The following IGF2BP1 variants were observed in gnomAD, a reference collection of about 807,000 sequenced individuals.
IGF2BP1 encodes the protein insulin like growth factor 2 mRNA binding protein 1.
A neutral mutation model predicts 74.9 loss-of-function variants in IGF2BP1; 11 were observed. The ratio of observed to expected loss-of-function variants is 0.15; its 90% confidence interval spans 0.09 to 0.24. The LOEUF (loss-of-function observed/expected upper bound fraction) is 0.24. Among genes scored for constraint, IGF2BP1 ranks in the 10% least tolerant of loss-of-function variants. The pLI, the probability that IGF2BP1 is intolerant of heterozygous loss-of-function variation, is 1.00. For missense variants in IGF2BP1, 440 were observed against 757.4 expected (o/e 0.58, Z 4.92); for synonymous variants, 287 against 281.8 (o/e 1.02, Z -0.18).
intron 2 of IGF2BP1, among the ~76,000 whole-genome samples, chr17:48,999,981 C>T (rs998901567): frequency 5.4e-5 from 8 of 147,418 alleles, no homozygotes; most frequent in African/African-American, 1.8e-4. Context: ...TGTTCCAATA[C>T]CCTCTATCCT....
intron 6 of IGF2BP1, 118 bp downstream of exon 6, chr17:49,038,567 C>A: frequency 9.1e-7 from 1 of 1,103,494 alleles, no homozygotes; most frequent in Non-Finnish European, 1.2e-6. Flanking sequence ...GAAATGTTGC[C>A]TGGAGCATTC....
rs781517303 is a variant in IGF2BP1 at position 48,997,478 on chromosome 17, G to A, written c.-268G>A. On this transcript the variant is annotated 5_prime_UTR_variant, in exon 1 of 15. Transcript: ENST00000290341. The surrounding 1 kb of genome is among the most constrained non-coding windows in gnomAD (Gnocchi z 4.8). The stretch of plus-strand genomic sequence containing the variant: ...CACCAGCCCTCTCGGAGGGGTTTCG[G>A]ACCGAAGGGAAGAAGCTGCGCCGTG... 7.5e-6 allele frequency: 3 copies of A among 400,690 alleles called. No homozygotes were observed. Among genetic ancestry groups the A allele is most frequent in the Non-Finnish European group, 1.3e-5 (3 of 225,166 alleles). The allele number at this position is 400,690 out of a possible 1,614,324, so 24.8% of individuals were successfully genotyped here.
chr17:49,041,278 C>A, intron 7 of IGF2BP1, 100 bp from the exon 8 acceptor site: 2 of 1,346,162 alleles, frequency 1.5e-6, no homozygotes, highest in Non-Finnish European at 2.1e-6. Context: ...AGATGTTTTA[C>A]TTGGAAATGC....
At chr17:49,018,092 C>G (rs2041731333) in intron 2 of IGF2BP1, 1 of 152,226 alleles carries the variant, frequency 6.6e-6, no homozygotes, top group African/African-American at 2.4e-5. Context: ...ATTAAAAATT[C>G]AGTTGCTCAG....
intron 5 of IGF2BP1, among the ~76,000 whole-genome samples, chr17:49,034,736 C>CAA (rs1254736118): frequency 2.1e-4 from 23 of 108,808 alleles, no homozygotes; most frequent in African/African-American, 4.6e-4. Flanking sequence ...GACCCTGTCT[C>CAA]AAAAAAAACA....
intron 2 of IGF2BP1, among the ~76,000 whole-genome samples, chr17:49,007,501 C>G (rs1201943022): frequency 6.6e-6 from 1 of 152,218 alleles, no homozygotes; most frequent in East Asian, 1.9e-4. Context: ...GTTGAACCTT[C>G]TTACTGGGAT....
intron 10 of IGF2BP1, 95 bp downstream of exon 10, chr17:49,043,645 A>C: frequency 6.2e-6 from 9 of 1,460,288 alleles, no homozygotes; most frequent in Non-Finnish European, 8.4e-6. Context: ...ATGCTTGGCA[A>C]GTTTGCAGGG....
chr17:49,007,958 G>GAT (rs2041570377), intron 2 of IGF2BP1, among the ~76,000 whole-genome samples: 1 of 152,106 alleles, frequency 6.6e-6, no homozygotes, highest in Non-Finnish European at 1.5e-5. Context: ...GATCACCTGA[G>GAT]ATCAGGAGTT....
In IGF2BP1 at chr17:49,019,948, ATT is replaced by A. The variant is rs71144553; in HGVS notation, c.237-5668_237-5667del. ...TATATATATATATATATATATATAT[ATT>A]TATATACACACACACACACACACAC... On this transcript the variant is annotated intron_variant, in intron 2 of 14. Transcript: ENST00000290341. 4.0e-3 allele frequency among the ~76,000 whole-genome samples: 148 copies of A among 36,550 alleles called. 5 individuals are homozygous for A. The highest frequency in any genetic ancestry group is 0.016 in the African/African-American group (111 of 7,022). 24.0% of individuals were successfully genotyped at this position (36,550 alleles called of 152,430 possible).
chr17:49,007,341 A>C (rs1297370271), intron 2 of IGF2BP1, among the ~76,000 whole-genome samples: 1 of 152,206 alleles, frequency 6.6e-6, no homozygotes, highest in African/African-American at 2.4e-5. Context: ...GTCTGGAACC[A>C]GTTCCCAGAG....
intron 5 of IGF2BP1, among the ~76,000 whole-genome samples, chr17:49,035,279 A>C (rs1473540864): frequency 6.6e-6 from 1 of 152,250 alleles, no homozygotes; most frequent in East Asian, 1.9e-4. Flanking sequence ...TCTACCTTAC[A>C]CTGAACACAC....
intron 4 of IGF2BP1, among the ~76,000 whole-genome samples, chr17:49,030,258 C>T (rs2041907372): frequency 1.3e-5 from 2 of 151,368 alleles, no homozygotes. Flanking sequence ...TCTTCTGTCT[C>T]AACCTCCCAA....
chr17:49,043,877 T>G, intron 10 of IGF2BP1, 90 bp from the exon 11 acceptor site: 2 of 1,543,118 alleles, frequency 1.3e-6, no homozygotes, highest in South Asian at 2.5e-5. Context: ...CCTGTACTCC[T>G]TCCTCCTTGA....
At position 49,042,251 on chromosome 17, in the gene IGF2BP1, C is replaced by T. The variant is rs766063577; in HGVS notation, c.951C>T (p.Asp317=). ...CTGCTCTTTCTGCCAGGTTGCAAGACCTTACCCTTTACAACCCTGAGAGGA... is the reference window on the plus strand; with the variant it reads ...CTGCTCTTTCTGCCAGGTTGCAAGATCTTACCCTTTACAACCCTGAGAGGA... ...ETKITISSLQ[D]LTLYNPERTI... The change falls in exon 9 of 15, where the codon GAC becomes GAT. Residue 317 remains aspartate (D), a synonymous_variant. Transcript: ENST00000290341. 10 of 1,614,070 alleles carry T rather than the reference C, an allele frequency of 6.2e-6. No individual in the cohort carries two copies. The highest frequency in any genetic ancestry group is 3.3e-4 in the Middle Eastern group (2 of 6,084).
chr17:49,056,061 T>C lies in IGF2BP1; in HGVS notation c.*6617T>C, dbSNP rs923380531. Among the ~76,000 whole-genome samples the C allele has an allele frequency of 1.6e-4, 24 of 152,178 alleles. No homozygotes were observed. The highest frequency in any genetic ancestry group is 5.5e-4 in the African/African-American group (23 of 41,528). On this transcript the variant is annotated 3_prime_UTR_variant, in exon 15 of 15. Coordinates refer to ENST00000290341, the MANE Select transcript of IGF2BP1 (RefSeq NM_006546.4). ...GGATGAACGAACACTCCAGTTTTCT[T>C]TCCCGTGAAGGTTGTTTCAGCCACA...
chr17:49,019,944 A>T (rs866677935), intron 2 of IGF2BP1, among the ~76,000 whole-genome samples: 12 of 55,824 alleles, frequency 2.1e-4, no homozygotes, highest in African/African-American at 1.2e-3. Flanking sequence ...ATATATATAT[A>T]TATATTTATA....
intron 2 of IGF2BP1, among the ~76,000 whole-genome samples, chr17:49,015,580 T>A (rs2041690349): frequency 6.6e-6 from 1 of 152,218 alleles, no homozygotes; most frequent in South Asian, 2.1e-4. Flanking sequence ...TTTGTCCCCG[T>A]ACTGTAGGTT....
Position 49,051,252 on chromosome 17 carries a change from AAAG to A in IGF2BP1, c.*1811_*1813del, listed in dbSNP as rs2042163663. 2 of 152,638 alleles carry A rather than the reference AAAG, an allele frequency of 1.3e-5. No homozygotes were observed. Among genetic ancestry groups the A allele is most frequent in the East Asian group, 1.9e-4 (1 of 5,202 alleles). 9.5% of individuals were successfully genotyped at this position (152,638 alleles called of 1,614,324 possible). A position where few individuals can be genotyped will look rare whatever the true frequency, so the allele number is the denominator to read the frequency against. ...CTTGAATATTTTATTTTTTTAATGAAAAGAAAAAACAAGAAAGTTATGTTTCAT... is the reference window on the plus strand; with the variant it reads ...CTTGAATATTTTATTTTTTTAATGAAAAAAAACAAGAAAGTTATGTTTCAT... On this transcript the variant is annotated 3_prime_UTR_variant, in exon 15 of 15. Coordinates refer to ENST00000290341, the MANE Select transcript of IGF2BP1 (RefSeq NM_006546.4).
intron 9 of IGF2BP1, among the ~76,000 whole-genome samples, chr17:49,043,087 C>T (rs996485202): frequency 1.3e-5 from 2 of 152,074 alleles, no homozygotes; most frequent in East Asian, 1.9e-4. Flanking sequence ...GCCTTTTTCT[C>T]ATATAGGGGG....
Sources: gnomAD v4.1 joint callset for allele counts (sites outside exome capture counted in the v4.1 genomes callset) on GRCh38, gnomAD v4.1.1 for gene constraint, Gnocchi (gnomAD v3.1) non-coding constraint, MANE v1.5 for transcripts, NCBI Gene and HGNC (gene_info 2026-07-23, HGNC 2026-07-21) for gene names.